The following EVI5 variants were observed in gnomAD, a reference collection of about 807,000 sequenced individuals.
The protein encoded by EVI5 is ecotropic viral integration site 5, also known as ecotropic viral integration site 5 protein homolog.
Under a neutral mutation model 112.0 loss-of-function variants are expected in EVI5, and 73 were observed. The ratio of observed to expected loss-of-function variants is 0.65; its 90% CI spans 0.54 to 0.79. EVI5 has a LOEUF of 0.79. Ranked by LOEUF, EVI5 falls within the 30% of genes least tolerant of loss-of-function variation. EVI5 has a pLI of 0.00. For missense variants in EVI5, 900 were observed against 968.8 expected, an observed-to-expected ratio of 0.93 and a Z score of 0.94; for synonymous variants, 305 against 319.9, an observed-to-expected ratio of 0.95 and a Z score of 0.50.
At chr1:92,738,208 G>C (rs1243081949) in intron 1 of EVI5, among the ~76,000 whole-genome samples, 1 of 152,126 alleles carries the variant, frequency 6.6e-6, no homozygotes, top group African/African-American at 2.4e-5. Flanking sequence ...AGAAGCCATA[G>C]TAGGCACTAA....
intron 2 of EVI5, among the ~76,000 whole-genome samples, chr1:92,718,728 C>A (rs1025111970): frequency 2.0e-5 from 3 of 151,744 alleles, no homozygotes; most frequent in African/African-American, 7.3e-5. Context: ...CACAAAAAAC[C>A]CTTCAAAAAA....
chr1:92,586,651 G>A (rs908238985), intron 18 of EVI5, among the ~76,000 whole-genome samples: 3 of 128,732 alleles, frequency 2.3e-5, no homozygotes, highest in Non-Finnish European at 4.7e-5. Flanking sequence ...TGCATTTTGA[G>A]TACTTCCTTA....
chr1:92,785,753 TA>T (rs1402138781), upstream of EVI5, among the ~76,000 whole-genome samples: 2 of 152,090 alleles, frequency 1.3e-5, no homozygotes, highest in Non-Finnish European at 2.9e-5. Flanking sequence ...CAAGAAAAAG[TA>T]AAAAGGCAAT....
At chr1:92,735,637 G>T (rs1437789842) in intron 2 of EVI5, among the ~76,000 whole-genome samples, 1 of 16,422 alleles carries the variant, frequency 6.1e-5, no homozygotes. Context: ...TATGATATAT[G>T]TCATATATAT....
chr1:92,689,701 T>C (rs899715250), intron 9 of EVI5, among the ~76,000 whole-genome samples: 3 of 152,122 alleles, frequency 2.0e-5, no homozygotes, highest in Non-Finnish European at 4.4e-5. Context: ...CGGGTTAGAC[T>C]ATAGATTAGT....
intron 19 of EVI5, among the ~76,000 whole-genome samples, chr1:92,525,725 T>G (rs906638443): frequency 3.3e-5 from 5 of 152,252 alleles, no homozygotes; most frequent in African/African-American, 1.2e-4. Context: ...TTAAAAAACA[T>G]TCTTCATGAT....
In EVI5 at chr1:92,694,285, A is replaced by T; in HGVS notation, c.999+14T>A. 1.3e-6 allele frequency: 2 copies of T among 1,490,872 alleles called. No individual in the cohort carries two copies. The highest frequency in any genetic ancestry group is 1.8e-6 in the Non-Finnish European group (2 of 1,086,438). The allele number at this position is 1,490,872 out of a possible 1,614,324, so 92.4% of individuals were successfully genotyped here. A position where few individuals can be genotyped will look rare whatever the true frequency, so the allele number is the denominator to read the frequency against. ...GTCTCAAAAAAAAAAAAAGAAAATA[A>T]ATTATGAACTTACCTGTAACATCCC... On this transcript the variant is annotated intron_variant, in intron 8 of 19. Transcript: ENST00000684568.
chr1:92,782,739 C>T (rs1018368277), intron 1 of EVI5, among the ~76,000 whole-genome samples: 2 of 152,164 alleles, frequency 1.3e-5, no homozygotes, highest in Admixed American at 6.5e-5. Context: ...GCCACTCCTA[C>T]GTACATACTC....
intron 13 of EVI5, among the ~76,000 whole-genome samples, chr1:92,645,732 T>C (rs1660815350): frequency 6.6e-6 from 1 of 152,152 alleles, no homozygotes; most frequent in South Asian, 2.1e-4. Context: ...AGCCCCCATA[T>C]TCATCCTTGT....
At position 92,513,586 on chromosome 1, in the gene EVI5, T is replaced by C; in HGVS notation, c.*70A>G. Reference sequence around the variant, plus strand: ...ATATATGTACATATGAAACAAATTATTTCCAAAAAGCCCTAATCATATGAT... The same window carrying C: ...ATATATGTACATATGAAACAAATTACTTCCAAAAAGCCCTAATCATATGAT... On this transcript the variant is annotated 3_prime_UTR_variant, in exon 20 of 20. Coordinates refer to ENST00000684568, the MANE Select transcript of EVI5 (RefSeq NM_001350197.2). 1.5e-6 allele frequency: 1 copy of C among 646,196 alleles called. No individual in the cohort carries two copies. 40.0% of individuals were successfully genotyped at this position (646,196 alleles called of 1,614,324 possible).
In EVI5 at chr1:92,513,791, C is replaced by T. The variant is rs139452163; in HGVS notation, c.2346G>A (p.Met782Ile). The T allele has an allele frequency of 3.7e-5, 59 of 1,613,586 alleles. No individual in the cohort carries two copies. Among genetic ancestry groups the T allele is most frequent in the Non-Finnish European group, 4.8e-5 (57 of 1,179,928 alleles). Residue 782 changes from methionine to isoleucine, a missense_variant, in exon 20 of 20, where the codon ATG becomes ATA. Transcript: ENST00000684568. ...CATCTGCCACTGCGGGGTCCAAAGA[C>T]ATCGAACCAGATTTTCCGTGCAAAG... ...GFPLHGKSGS[M>I]SLDPAVADGS... is the part of the protein sequence containing the mutation.
intron 19 of EVI5, among the ~76,000 whole-genome samples, chr1:92,546,232 C>G (rs911083839): frequency 1.3e-5 from 2 of 152,124 alleles, no homozygotes; most frequent in Non-Finnish European, 2.9e-5. Context: ...AATGGATATA[C>G]GAAGTGAATT....
Position 92,548,705 on chromosome 1 carries a change from GACAA to G in EVI5, c.2166+14933_2166+14936del, listed in dbSNP as rs996942925. On this transcript the variant is annotated intron_variant, in intron 19 of 19. Transcript: ENST00000684568. ...CAAGCATTCTTATACACCAATAACA[GACAA>G]ACAGAGAGCCAAATCATGAGTGAAC... Among the ~76,000 whole-genome samples, 856 of 152,210 alleles carry G rather than the reference GACAA, an allele frequency of 5.6e-3. 5 individuals are homozygous for G. Among genetic ancestry groups the G allele is most frequent in the African/African-American group, 0.018 (756 of 41,526 alleles).
At chr1:92,611,893 C>G (rs1228667139) in intron 16 of EVI5, among the ~76,000 whole-genome samples, 2 of 151,052 alleles carry the variant, frequency 1.3e-5, no homozygotes, top group African/African-American at 4.9e-5. Flanking sequence ...GCACTCAAGC[C>G]TGGACAAAAC....
chr1:92,676,599 A>G (rs1207361522), intron 10 of EVI5, among the ~76,000 whole-genome samples: 2 of 152,082 alleles, frequency 1.3e-5, no homozygotes, highest in Non-Finnish European at 2.9e-5. Context: ...TGTTTTATGG[A>G]GGGGGGTACA....
At chr1:92,709,875 T>C (rs1352902898) in intron 2 of EVI5, among the ~76,000 whole-genome samples, 1 of 151,916 alleles carries the variant, frequency 6.6e-6, no homozygotes, top group Non-Finnish European at 1.5e-5. Context: ...CTAGTTTCAG[T>C]ATAATTAAGG....
intron 19 of EVI5, among the ~76,000 whole-genome samples, chr1:92,518,372 G>A (rs534569349): frequency 6.6e-6 from 1 of 152,104 alleles, no homozygotes; most frequent in South Asian, 2.1e-4. Flanking sequence ...GAATGTGCAT[G>A]GAAGTATTTT....
intron 7 of EVI5, 79 bp downstream of exon 7, chr1:92,695,231 G>A: frequency 8.4e-7 from 1 of 1,187,636 alleles, no homozygotes; most frequent in Middle Eastern, 2.0e-4. Flanking sequence ...TTCCTTCATT[G>A]CTCTCCTCAT....
At chr1:92,689,442 A>G (rs2102430100) in intron 9 of EVI5, among the ~76,000 whole-genome samples, 1 of 152,234 alleles carries the variant, frequency 6.6e-6, no homozygotes, top group East Asian at 1.9e-4. Context: ...GGATCACTGC[A>G]GCCAGGACCG....
Sources: gnomAD v4.1 joint callset for allele counts (sites outside exome capture counted in the v4.1 genomes callset) on GRCh38, gnomAD v4.1.1 for gene constraint, MANE v1.5 for transcripts, NCBI Gene and HGNC (gene_info 2026-07-23, HGNC 2026-07-21) for gene names.